The following KIF24 variants were observed in gnomAD, a reference collection of about 807,000 sequenced individuals.
KIF24 encodes kinesin-like protein KIF24.
A neutral mutation model predicts 118.9 loss-of-function variants in KIF24; 81 were observed. The observed-to-expected ratio is 0.68, with a 90% CI of 0.57 to 0.82. The LOEUF (loss-of-function observed/expected upper bound fraction) is 0.82. KIF24 is among the 40% of genes least tolerant of loss of function. The pLI is 0.00. For missense variants in KIF24, 1,560 were observed against 1,661.6 expected, an observed-to-expected ratio of 0.94 and a Z score of 1.06; for synonymous variants, 599 against 610.0, an observed-to-expected ratio of 0.98 and a Z score of 0.27.
chr9:34,279,177 G>C (rs899788898), intron 6 of KIF24, among the ~76,000 whole-genome samples: 1 of 152,110 alleles, frequency 6.6e-6, no homozygotes, highest in Non-Finnish European at 1.5e-5. Flanking sequence ...AATACATGTG[G>C]AAAGTTGAGC....
At chr9:34,290,122 T>C (rs1344794777) in intron 5 of KIF24, 52 bp downstream of exon 5, 1 of 1,315,560 alleles carries the variant, frequency 7.6e-7, no homozygotes, top group Non-Finnish European at 1.1e-6. Context: ...TCCGGGACTC[T>C]GGCTTAAAAT....
chr9:34,329,802 A>AG (rs1019063750), upstream of KIF24, among the ~76,000 whole-genome samples: 1 of 152,122 alleles, frequency 6.6e-6, no homozygotes, highest in Non-Finnish European at 1.5e-5. Context: ...CACCGGGAGA[A>AG]GGGAGGTTCC....
Position 34,254,190 on chromosome 9 carries a change from C to A in KIF24, c.*190G>T. Reference sequence around the variant, plus strand: ...CACTCCTGTGCATGGAACTGAGGGACAGGGGCCTGTCCCTGAGGGAGAAGC... The same window carrying A: ...CACTCCTGTGCATGGAACTGAGGGAAAGGGGCCTGTCCCTGAGGGAGAAGC... On this transcript the variant is annotated 3_prime_UTR_variant, in exon 13 of 13. Transcript: ENST00000402558. The A allele has an allele frequency of 1.9e-6, 1 of 519,664 alleles. No homozygotes were observed. Among genetic ancestry groups the A allele is most frequent in the Non-Finnish European group, 3.3e-6 (1 of 303,976 alleles). 32.2% of individuals were successfully genotyped at this position (519,664 alleles called of 1,614,324 possible). A position where few individuals can be genotyped will look rare whatever the true frequency, so the allele number is the denominator to read the frequency against.
At chr9:34,326,947 C>CA (rs111618940) in intron 1 of KIF24, among the ~76,000 whole-genome samples, 104,770 of 150,356 alleles carry the variant, frequency 0.7, 38,308 homozygotes, top group East Asian at 0.91. Flanking sequence ...ACTGAACTGA[C>CA]AAAAAAAAAT....
At chr9:34,319,406 C>G (rs749674389) in intron 1 of KIF24, 2 of 943,298 alleles carry the variant, frequency 2.1e-6, no homozygotes, top group Non-Finnish European at 3.5e-6. Flanking sequence ...ACAAGGCAAA[C>G]TTGTCACGCA....
chr9:34,286,593 A>G (rs1429614652), intron 6 of KIF24, 24 bp downstream of exon 6: 5 of 1,507,706 alleles, frequency 3.3e-6, no homozygotes, highest in African/African-American at 1.4e-5. Flanking sequence ...GTGGTGGGGT[A>G]ATAAAGAAGG....
chr9:34,289,524 C>T (rs1836173629), intron 5 of KIF24, among the ~76,000 whole-genome samples: 1 of 152,172 alleles, frequency 6.6e-6, no homozygotes, highest in Admixed American at 6.6e-5. Context: ...TTCCCTCTAA[C>T]CTCTATTCTC....
chr9:34,295,466 C>T (rs190628316), intron 4 of KIF24, among the ~76,000 whole-genome samples: 5 of 152,020 alleles, frequency 3.3e-5, no homozygotes, highest in Non-Finnish European at 7.4e-5. Flanking sequence ...TGCTTGAGCC[C>T]AGAAATTCAA....
chr9:34,318,119 C>T lies in KIF24; in HGVS notation c.-25-6748G>A. Among the ~76,000 whole-genome samples the T allele has an allele frequency of 6.6e-6, 1 of 151,976 alleles. No homozygotes were observed. Among genetic ancestry groups the T allele is most frequent in the Non-Finnish European group, 1.5e-5 (1 of 67,980 alleles). ...TTAGAAAATTAGGGAGGAGAACAAA[C>T]AAGTCTAAAGCTGGTGGTTTAACAA... is the stretch of plus-strand genomic sequence containing the variant. On this transcript the variant is annotated intron_variant, in intron 1 of 12. Coordinates refer to ENST00000402558, the MANE Select transcript of KIF24 (RefSeq NM_194313.4). The surrounding 1 kb of genome is among the most constrained non-coding windows in gnomAD (Gnocchi z 4.9).
chr9:34,281,657 A>T (rs1835853774), intron 6 of KIF24, among the ~76,000 whole-genome samples: 1 of 152,238 alleles, frequency 6.6e-6, no homozygotes. Context: ...GAGTAGAATC[A>T]GCTAGAGAGG....
intron 1 of KIF24, among the ~76,000 whole-genome samples, chr9:34,311,756 GTGTA>G (rs1234077780): frequency 2.0e-4 from 24 of 123,068 alleles, no homozygotes; most frequent in Non-Finnish European, 3.1e-4. Context: ...ACGTATATAT[GTGTA>G]TATATACATA....
chr9:34,325,649 G>A (rs1056052094), intron 1 of KIF24, among the ~76,000 whole-genome samples: 11 of 140,646 alleles, frequency 7.8e-5, no homozygotes, highest in Middle Eastern at 5.2e-3. Context: ...CCAAGATTGC[G>A]CCACTGCACT....
intron 3 of KIF24, among the ~76,000 whole-genome samples, chr9:34,301,787 T>TG: frequency 6.6e-6 from 1 of 152,024 alleles, no homozygotes; most frequent in East Asian, 2.0e-4. Context: ...CAGTGTGCCA[T>TG]GACTGCACCA....
intron 6 of KIF24, among the ~76,000 whole-genome samples, chr9:34,285,345 G>C (rs1483082590): frequency 6.6e-6 from 1 of 152,136 alleles, no homozygotes; most frequent in Non-Finnish European, 1.5e-5. Context: ...TTTAAAATAA[G>C]GGCCAGGTGC....
intron 4 of KIF24, among the ~76,000 whole-genome samples, chr9:34,292,138 C>T (rs989989387): frequency 2.6e-5 from 4 of 152,120 alleles, no homozygotes; most frequent in African/African-American, 9.7e-5. Context: ...CTTCCTCTGC[C>T]CTACTGTTGT....
intron 2 of KIF24, among the ~76,000 whole-genome samples, chr9:34,307,851 A>AATG (rs1563959102): frequency 7.4e-6 from 1 of 134,502 alleles, no homozygotes; most frequent in African/African-American, 2.7e-5. Flanking sequence ...ACAGAGCAAG[A>AATG]CTCTGTCTGA....
At chr9:34,293,131 C>T (rs1836317167) in intron 4 of KIF24, among the ~76,000 whole-genome samples, 1 of 151,988 alleles carries the variant, frequency 6.6e-6, no homozygotes, top group African/African-American at 2.4e-5. Flanking sequence ...ATAGCTTTTA[C>T]AAAACAACAA....
intron 6 of KIF24, among the ~76,000 whole-genome samples, chr9:34,279,637 T>C (rs1835773808): frequency 6.6e-6 from 1 of 152,172 alleles, no homozygotes; most frequent in South Asian, 2.1e-4. Flanking sequence ...AAGCTACCAG[T>C]TGTGCAGGCA....
intron 7 of KIF24, among the ~76,000 whole-genome samples, chr9:34,270,992 G>A (rs1276360654): frequency 6.6e-6 from 1 of 151,476 alleles, no homozygotes; most frequent in Non-Finnish European, 1.5e-5. Flanking sequence ...CTACTCAGGA[G>A]GCTGAGGCAG....
Sources: gnomAD v4.1 joint callset for allele counts (sites outside exome capture counted in the v4.1 genomes callset) on GRCh38, gnomAD v4.1.1 for gene constraint, Gnocchi (gnomAD v3.1) non-coding constraint, MANE v1.5 for transcripts, NCBI Gene and HGNC (gene_info 2026-07-23, HGNC 2026-07-21) for gene names.